Variants in SLC12A9 observed in about 807,000 individuals in gnomAD.
SLC12A9 encodes solute carrier family 12 member 9.
A neutral mutation model predicts 66.0 loss-of-function variants in SLC12A9; 55 were observed. The ratio of observed to expected loss-of-function variants is 0.83; its 90% CI spans 0.67 to 1.04. The LOEUF is 1.04. Among genes scored for constraint, SLC12A9 ranks in the 50% least tolerant of loss-of-function variants. The probability of loss-of-function intolerance (pLI) is 0.00; values close to 1 mark genes in which losing one functional copy is unlikely to be tolerated. For missense variants in SLC12A9, 1,061 were observed against 1,241.9 expected, an observed-to-expected ratio of 0.85 and a Z score of 2.19; for synonymous variants, 577 against 569.0, an observed-to-expected ratio of 1.01 and a Z score of -0.20.
intron 1 of SLC12A9, among the ~76,000 whole-genome samples, chr7:100,845,363 T>G (rs1813885617): frequency 6.6e-6 from 1 of 151,694 alleles, no homozygotes; most frequent in African/African-American, 2.4e-5. Flanking sequence ...TTTATTTATT[T>G]TTTTGAGACG....
rs1042064078 is a variant in SLC12A9, at chr7:100,855,786, G to A, written c.397G>A (p.Ala133Thr). ...MFYLANVCGC[A>T]VSLLGLVESV... The stretch of plus-strand genomic sequence containing the variant: ...CTACCTGGCTAACGTCTGTGGCTGT[G>A]CCGTCTCCCTCCTGGGGCTGGTGGA... Residue 133 changes from alanine to threonine, a missense_variant, in exon 4 of 14, where the codon GCC becomes ACC. By Grantham distance (58) the Ala-to-Thr change is moderately conservative (BLOSUM62 0). Coordinates refer to ENST00000354161, the MANE Select transcript of SLC12A9 (RefSeq NM_020246.4). 1.9e-6 allele frequency: 3 copies of A among 1,613,922 alleles called. No individual in the cohort carries two copies. The highest frequency in any genetic ancestry group is 1.7e-6 in the Non-Finnish European group (2 of 1,179,870).
upstream of SLC12A9, among the ~76,000 whole-genome samples, chr7:100,850,962 C>T (rs1334172736): frequency 6.6e-6 from 1 of 152,026 alleles, no homozygotes; most frequent in Non-Finnish European, 1.5e-5. Flanking sequence ...TCGTGATCCA[C>T]CCACCTCGGC....
intron 4 of SLC12A9, chr7:100,856,547 C>A: frequency 8.3e-6 from 2 of 241,818 alleles, no homozygotes; most frequent in Non-Finnish European, 1.6e-5. Context: ...GAAGGTCTCA[C>A]TCTGTCACCA....
intron 8 of SLC12A9, 24 bp downstream of exon 8, chr7:100,860,066 G>T: frequency 6.2e-7 from 1 of 1,614,146 alleles, no homozygotes; most frequent in Non-Finnish European, 8.5e-7. Context: ...CTCCTTGCTG[G>T]CTTGGAGCAC....
chr7:100,832,279 A>G (rs989292680), intron 1 of SLC12A9, among the ~76,000 whole-genome samples: 4 of 152,140 alleles, frequency 2.6e-5, no homozygotes, highest in South Asian at 4.1e-4. Context: ...CCAAGGCAGG[A>G]GGATTGCTTG....
Position 100,861,600 on chromosome 7 carries a change from G to A in SLC12A9, c.1536+16G>A, listed in dbSNP as rs1158790915. The A allele has an allele frequency of 6.2e-7, 1 of 1,610,720 alleles. No individual in the cohort carries two copies. Among genetic ancestry groups the A allele is most frequent in the South Asian group, 1.1e-5 (1 of 90,996 alleles). On this transcript the variant is annotated intron_variant, in intron 11 of 13. Transcript: ENST00000354161. The surrounding 1 kb of genome is among the most constrained non-coding windows in gnomAD (Gnocchi z 5.3). ...TTTCCACCAGGTATGGGGAGCTGGT[G>A]GGGCGGTGGGGAAATGGGAGGTGGT...
chr7:100,859,691 T>G, intron 7 of SLC12A9, 194 bp from the exon 8 acceptor site: 1 of 643,610 alleles, frequency 1.6e-6, no homozygotes, highest in Non-Finnish European at 2.6e-6. Flanking sequence ...AGCCTGGGGG[T>G]TGGAGTGAGA....
At chr7:100,847,746 G>C (rs374686828), upstream of SLC12A9, among the ~76,000 whole-genome samples, 186 of 152,080 alleles carry the variant, frequency 1.2e-3, no homozygotes, top group Middle Eastern at 0.017. Flanking sequence ...TGAGTATTTA[G>C]TTTTGGACAT....
chr7:100,830,524 GAA>G lies in SLC12A9; in HGVS notation n.228+3479_228+3480del, dbSNP rs201981487. Reference sequence around the variant, plus strand: ...CCCTGTCTACAAAAAAAGAAAGAAAGAAAGAGAGAAAACATTCTATTCCATGT... The same window carrying G: ...CCCTGTCTACAAAAAAAGAAAGAAAGAGAGAGAAAACATTCTATTCCATGT... On this transcript the variant is annotated intron_variant and non_coding_transcript_variant, in intron 1 of 1. Coordinates refer to the SLC12A9 transcript ENST00000461016. 7.6e-3 allele frequency among the ~76,000 whole-genome samples: 1,155 copies of G among 151,518 alleles called. 8 individuals are homozygous for G. Among genetic ancestry groups the G allele is most frequent in the Middle Eastern group, 0.044 (13 of 294 alleles).
upstream of SLC12A9, among the ~76,000 whole-genome samples, chr7:100,851,454 C>T (rs1031819096): frequency 4.1e-5 from 6 of 147,684 alleles, no homozygotes; most frequent in African/African-American, 1.2e-4. Context: ...GACAGAGTCT[C>T]GTTCTGTTGC....
chr7:100,837,678 G>A (rs975818111), intron 1 of SLC12A9: 1 of 152,126 alleles, frequency 6.6e-6, no homozygotes, highest in Non-Finnish European at 1.5e-5. Flanking sequence ...TTCTTTTTTT[G>A]AGACAGGATC....
At chr7:100,854,571 G>T (rs748200001) in intron 2 of SLC12A9, 49 bp from the exon 3 acceptor site, 4 of 1,611,490 alleles carry the variant, frequency 2.5e-6, no homozygotes, top group Non-Finnish European at 3.4e-6. Context: ...GGGGGTGGGG[G>T]ATATGGGGTG....
rs569465830 is a variant in SLC12A9 at position 100,838,635 on chromosome 7, C to G, written n.228+11588C>G. ...GGGCTCAAGCGATCTGCCCACTTCA[C>G]CCTCCCCAGTACCTAGGATTACAGG... On this transcript the variant is annotated intron_variant and non_coding_transcript_variant, in intron 1 of 1. Coordinates refer to the SLC12A9 transcript ENST00000461016. Among the ~76,000 whole-genome samples, 4 of 152,246 alleles carry G rather than the reference C, an allele frequency of 2.6e-5. No homozygotes were observed. In the South Asian group the frequency reaches 8.3e-4, roughly 32 times the overall value.
At chr7:100,845,432 C>G (rs937747464) in intron 1 of SLC12A9, among the ~76,000 whole-genome samples, 2 of 151,996 alleles carry the variant, frequency 1.3e-5, no homozygotes, top group Non-Finnish European at 2.9e-5. Context: ...TCACTGCAAA[C>G]TCTACCTCCC....
At chr7:100,865,407 C>A (rs540331015) in intron 13 of SLC12A9, 1 of 1,535,960 alleles carries the variant, frequency 6.5e-7, no homozygotes, top group African/African-American at 1.4e-5. Flanking sequence ...CGCTAGAAGC[C>A]GGGAGTGGAC....
In SLC12A9 at chr7:100,859,301, A is replaced by G. The variant is rs1584700954; in HGVS notation, c.977+140A>G. ...GGTGGCTACCGGCGATTGACAACCTATAGCCAGCAGCTGCCATGGACCCAG... is the reference window on the plus strand; with the variant it reads ...GGTGGCTACCGGCGATTGACAACCTGTAGCCAGCAGCTGCCATGGACCCAG... On this transcript the variant is annotated intron_variant, in intron 7 of 13. Transcript: ENST00000354161. The G allele has an allele frequency of 5.2e-6, 4 of 762,556 alleles. No homozygotes were observed. In the East Asian group the frequency reaches 9.9e-5, roughly 19 times the overall value. The allele number at this position is 762,556 out of a possible 1,614,324, so 47.2% of individuals were successfully genotyped here. A position where few individuals can be genotyped will look rare whatever the true frequency, so the allele number is the denominator to read the frequency against.
intron 1 of SLC12A9, among the ~76,000 whole-genome samples, chr7:100,837,055 A>G (rs1173149883): frequency 6.6e-6 from 1 of 152,154 alleles, no homozygotes; most frequent in Non-Finnish European, 1.5e-5. Context: ...AGGGGCGTTG[A>G]CACCAAGGTA....
chr7:100,854,477 C>G, intron 2 of SLC12A9, 99 bp downstream of exon 2: 1 of 1,588,204 alleles, frequency 6.3e-7, no homozygotes, highest in Non-Finnish European at 8.6e-7. Context: ...GAAGGGGACC[C>G]AAGAGAAGCG....
At position 100,854,617 on chromosome 7, in the gene SLC12A9, CAG is replaced by C. The variant is rs1814272516; in HGVS notation, c.182-2_182-1del. 1 of 1,613,952 alleles carries C rather than the reference CAG, an allele frequency of 6.2e-7. No homozygotes were observed. The highest frequency in any genetic ancestry group is 8.5e-7 in the Non-Finnish European group (1 of 1,179,974). On this transcript the variant is annotated splice_acceptor_variant, in intron 2 of 13. Coordinates refer to ENST00000354161, the MANE Select transcript of SLC12A9 (RefSeq NM_020246.4). LOFTEE classifies it high-confidence loss of function. Reference sequence around the variant, plus strand: ...GTGACCTGATTTGCTGCTCCTGCCTCAGGGTTCGTGGTGGGTCATGCTGGGCT... The same window carrying C: ...GTGACCTGATTTGCTGCTCCTGCCTCGGTTCGTGGTGGGTCATGCTGGGCT...
Sources: allele counts gnomAD v4.1 joint callset (sites outside exome capture counted in the v4.1 genomes callset), GRCh38; gene constraint gnomAD v4.1.1; non-coding constraint Gnocchi (gnomAD v3.1); transcripts MANE v1.5; gene names NCBI Gene and HGNC (gene_info 2026-07-23, HGNC 2026-07-21).